ATP5PB: variants seen among roughly 807,000 people sequenced by gnomAD.
ATP5PB encodes ATP synthase peripheral stalk subunit b, mitochondrial.
A neutral mutation model predicts 34.5 loss-of-function variants in ATP5PB; 21 were observed. That is an observed-to-expected ratio of 0.61 (90% CI 0.43 to 0.88). The LOEUF is 0.88. Among genes scored for constraint, ATP5PB ranks in the 40% least tolerant of loss-of-function variants. ATP5PB has a pLI of 0.00. For missense variants in ATP5PB, 293 were observed against 317.4 expected (o/e 0.92, Z 0.58); for synonymous variants, 108 against 114.1 (o/e 0.95, Z 0.34).
In ATP5PB at chr1:111,459,493, G is replaced by A. The variant is rs775801229; in HGVS notation, c.550G>A (p.Glu184Lys). The change falls in exon 6 of 7, where the codon GAA becomes AAA. Residue 184 changes from glutamate (E) to lysine (K), a missense_variant. Coordinates refer to ENST00000369722, the MANE Select transcript of ATP5PB (RefSeq NM_001688.5). ...IAMALEVTYRERLYRVYKEVK... is the reference protein window; with the variant it reads ...IAMALEVTYRKRLYRVYKEVK... ...TATGGCTTTGGAAGTTACTTACCGGGAACGACTGTATAGAGTATATAAGGA... is the reference window on the plus strand; with the variant it reads ...TATGGCTTTGGAAGTTACTTACCGGAAACGACTGTATAGAGTATATAAGGA... The A allele has an allele frequency of 6.2e-7, 1 of 1,611,236 alleles. No homozygotes were observed.
At chr1:111,454,457 T>C in intron 3 of ATP5PB, 101 bp downstream of exon 3, 2 of 1,428,820 alleles carry the variant, frequency 1.4e-6, no homozygotes, top group Admixed American at 2.3e-5. Context: ...GTTGTTGTTG[T>C]TGTTGTTGTT....
chr1:111,456,573 TC>T, intron 4 of ATP5PB, 56 bp from the exon 5 acceptor site: 1 of 1,565,810 alleles, frequency 6.4e-7, no homozygotes, highest in Non-Finnish European at 8.6e-7. Context: ...GAAATGAATC[TC>T]CTTTTTTTAC....
At chr1:111,458,578 A>G (rs1653533178) in intron 5 of ATP5PB, among the ~76,000 whole-genome samples, 1 of 151,532 alleles carries the variant, frequency 6.6e-6, no homozygotes, top group Non-Finnish European at 1.5e-5. Flanking sequence ...GGGGGAGAAT[A>G]AAAGGAGATA....
chr1:111,458,806 C>T (rs1047431973), intron 5 of ATP5PB, among the ~76,000 whole-genome samples: 5 of 152,138 alleles, frequency 3.3e-5, no homozygotes, highest in African/African-American at 1.2e-4. Flanking sequence ...GTATGCTGAT[C>T]TTGGCTTCAC....
intron 5 of ATP5PB, 128 bp from the exon 6 acceptor site, chr1:111,459,329 A>G (rs1362587059): frequency 1.2e-6 from 1 of 837,114 alleles, no homozygotes; most frequent in African/African-American, 1.7e-5. Context: ...GGTACATATT[A>G]CCTATTAAAT....
intron 5 of ATP5PB, 29 bp from the exon 6 acceptor site, chr1:111,459,428 A>G: frequency 6.3e-7 from 1 of 1,585,848 alleles, no homozygotes; most frequent in South Asian, 1.1e-5. Context: ...TATACAAACA[A>G]TATTTATCAT....
In ATP5PB at chr1:111,449,766, C is replaced by T; in HGVS notation, c.41-71C>T. 2.5e-6 allele frequency: 4 copies of T among 1,608,314 alleles called. No individual in the cohort carries two copies. The Admixed American group carries it at 5.0e-5, about 20-fold the overall frequency. On this transcript the variant is annotated intron_variant, in intron 1 of 6. Coordinates refer to ENST00000369722, the MANE Select transcript of ATP5PB (RefSeq NM_001688.5). Reference sequence around the variant, plus strand: ...GGGTACATAGGCTTAGTGATAGAGCCTGGCGGGGGTAAGGAAAGGGCAAAC... The same window carrying T: ...GGGTACATAGGCTTAGTGATAGAGCTTGGCGGGGGTAAGGAAAGGGCAAAC...
At chr1:111,455,187 G>C (rs1425231591) in intron 3 of ATP5PB, among the ~76,000 whole-genome samples, 1 of 151,918 alleles carries the variant, frequency 6.6e-6, no homozygotes, top group African/African-American at 2.4e-5. Flanking sequence ...ACCTAAAGTA[G>C]CATTTTCCTA....
At chr1:111,456,888 T>C (rs1022012108) in intron 5 of ATP5PB, 133 bp downstream of exon 5, 1 of 1,168,180 alleles carries the variant, frequency 8.6e-7, no homozygotes, top group African/African-American at 1.6e-5. Flanking sequence ...TGTGTAGGAG[T>C]TGGCATTCAC....
At chr1:111,454,775 A>G (rs971118272) in intron 3 of ATP5PB, among the ~76,000 whole-genome samples, 3 of 152,156 alleles carry the variant, frequency 2.0e-5, no homozygotes, top group Admixed American at 6.5e-5. Flanking sequence ...GGAAATTGTA[A>G]CAATTGATTT....
intron 1 of ATP5PB, 45 bp from the exon 2 acceptor site, chr1:111,449,792 C>A: frequency 3.1e-6 from 5 of 1,613,810 alleles, no homozygotes; most frequent in Non-Finnish European, 4.2e-6. Context: ...AAGGGCAAAC[C>A]AGATTTCATT....
In ATP5PB at chr1:111,456,661, A is replaced by G. The variant is rs147175114; in HGVS notation, c.419A>G (p.Gln140Arg). 1 of 1,613,668 alleles carries G rather than the reference A, an allele frequency of 6.2e-7. No homozygotes were observed. Among genetic ancestry groups the G allele is most frequent in the Non-Finnish European group, 8.5e-7 (1 of 1,179,866 alleles). Residue 140 changes from glutamine (Q) to arginine (R), a missense_variant, in exon 5 of 7, where the codon CAG becomes CGG. Transcript: ENST00000369722. ...QKLAQLEEAK[Q>R]ASIQHIQNAI... is the part of the protein sequence containing the mutation. ...CTTGCCCAACTAGAAGAGGCGAAGC[A>G]GGCTTCCATCCAACACATCCAGAAT...
chr1:111,456,791 CTTG>C (rs758668835), intron 5 of ATP5PB, 36 bp downstream of exon 5: 37 of 1,542,128 alleles, frequency 2.4e-5, no homozygotes, highest in Non-Finnish European at 3.0e-5. Context: ...AATGAAGTTA[CTTG>C]TTGTGTGCAT....
chr1:111,454,699 T>C (rs1653422265), intron 3 of ATP5PB, among the ~76,000 whole-genome samples: 1 of 152,108 alleles, frequency 6.6e-6, no homozygotes, highest in Non-Finnish European at 1.5e-5. Context: ...CATCTTGGCC[T>C]CCCAAAGTGC....
chr1:111,455,940 A>G (rs1425274936), intron 3 of ATP5PB, 146 bp from the exon 4 acceptor site: 5 of 637,324 alleles, frequency 7.8e-6, no homozygotes, highest in East Asian at 3.0e-5. Context: ...CAACTCTACC[A>G]TACTGCTTCC....
intron 2 of ATP5PB, 138 bp downstream of exon 2, chr1:111,450,011 A>G: frequency 9.1e-7 from 1 of 1,095,074 alleles, no homozygotes; most frequent in Non-Finnish European, 1.4e-6. Context: ...CTTTCAGACA[A>G]GACACTTGTT....
At chr1:111,458,440 A>G (rs1191982925) in intron 5 of ATP5PB, among the ~76,000 whole-genome samples, 1 of 152,216 alleles carries the variant, frequency 6.6e-6, no homozygotes, top group Non-Finnish European at 1.5e-5. Context: ...AGTGCAAAGT[A>G]TGTGGATTTT....
intron 2 of ATP5PB, among the ~76,000 whole-genome samples, chr1:111,450,407 T>A (rs1159197043): frequency 6.6e-6 from 1 of 152,162 alleles, no homozygotes; most frequent in Non-Finnish European, 1.5e-5. Context: ...GCTCACAGTC[T>A]AGGAATGGGA....
At chr1:111,455,853 A>T (rs529055743) in intron 3 of ATP5PB, among the ~76,000 whole-genome samples, 2 of 152,322 alleles carry the variant, frequency 1.3e-5, no homozygotes, top group Admixed American at 1.3e-4. Context: ...AAATTCAGAG[A>T]TTATTTAGAT....
Sources: allele counts gnomAD v4.1 joint callset (sites outside exome capture counted in the v4.1 genomes callset), GRCh38; gene constraint gnomAD v4.1.1; transcripts MANE v1.5; gene names NCBI Gene and HGNC (gene_info 2026-07-23, HGNC 2026-07-21).